The following CFAP46 variants were observed in gnomAD, a reference collection of about 807,000 sequenced individuals.
CFAP46 encodes the protein cilia- and flagella-associated protein 46.
In CFAP46, 245 loss-of-function variants were observed where a neutral mutation model predicts 325.7. That is an observed-to-expected ratio of 0.75 (90% confidence interval 0.68 to 0.84). CFAP46 has a LOEUF of 0.84. Ranked by LOEUF, CFAP46 falls within the 40% of genes least tolerant of loss-of-function variation. The pLI is 0.00. For synonymous variants in CFAP46, 1,523 were observed against 1,495.9 expected (o/e 1.02, Z -0.42); for missense variants, 3,346 against 3,543.0 (o/e 0.94, Z 1.41).
chr10:132,914,782 C>G (rs1195986200), intron 17 of CFAP46, among the ~76,000 whole-genome samples: 2 of 140,900 alleles, frequency 1.4e-5, no homozygotes, highest in African/African-American at 5.3e-5. Context: ...CCACACTGCA[C>G]CCCGGCCCGA....
rs186088013 is a variant in CFAP46 at position 132,827,075 on chromosome 10, G to A, written c.7117+6283C>T. On this transcript the variant is annotated intron_variant, in intron 50 of 57. Coordinates refer to ENST00000368586, the MANE Select transcript of CFAP46 (RefSeq NM_001200049.3). This position sits in a 1 kb window ranked among gnomAD's most constrained non-coding sequence, Gnocchi z 5.7. ...CATGAGCCTCGTGTCTGTGCCAACC[G>A]ACTCCAGCTCCGGGCTCCCTGCCTC... Among the ~76,000 whole-genome samples, 5 of 152,184 alleles carry A rather than the reference G, an allele frequency of 3.3e-5. No individual in the cohort carries two copies. Among genetic ancestry groups the A allele is most frequent in the East Asian group, 3.9e-4 (2 of 5,142 alleles).
At position 132,866,032 on chromosome 10, in the gene CFAP46, G is replaced by T; in HGVS notation, c.4883C>A (p.Ala1628Asp). 1 of 1,509,654 alleles carries T rather than the reference G, an allele frequency of 6.6e-7. No individual in the cohort carries two copies. The highest frequency in any genetic ancestry group is 8.9e-7 in the Non-Finnish European group (1 of 1,125,626). 93.5% of individuals were successfully genotyped at this position (1,509,654 alleles called of 1,614,324 possible). ...CTGGGAGGGGCTCCTCACCTGGAAA[G>T]CCAGGTAAGCCTCCGACAGGAGCAG... The part of the protein sequence containing the change: ...ARLLLSEAYL[A>D]FQELDEPCAE... Residue 1628 changes from alanine to aspartate, a missense_variant, in exon 35 of 58, where the codon GCT becomes GAT. By Grantham distance (126) the Ala-to-Asp change is moderately radical. Transcript: ENST00000368586.
chr10:132,840,898 G>T (rs760657099), intron 44 of CFAP46, among the ~76,000 whole-genome samples: 1 of 152,204 alleles, frequency 6.6e-6, no homozygotes, highest in Non-Finnish European at 1.5e-5. Flanking sequence ...CTTCTCGCAG[G>T]TGGGGACACC....
At chr10:132,900,596 C>A (rs7913509) in intron 22 of CFAP46, among the ~76,000 whole-genome samples, 38,916 of 152,234 alleles carry the variant, frequency 0.26, 6,314 homozygotes, top group Admixed American at 0.44. Context: ...AGGAGGAAGG[C>A]GCTGCCCCTT....
intron 35 of CFAP46, 61 bp downstream of exon 35, chr10:132,865,964 C>T (rs1848806654): frequency 1.5e-6 from 2 of 1,354,472 alleles, no homozygotes; most frequent in Non-Finnish European, 9.6e-7. Flanking sequence ...GCAGTCCCTC[C>T]ACTGTGCACA....
chr10:132,823,668 G>A (rs1564767433), intron 50 of CFAP46, among the ~76,000 whole-genome samples: 1 of 129,982 alleles, frequency 7.7e-6, no homozygotes, highest in Non-Finnish European at 1.6e-5. Context: ...TGTGTGCGCT[G>A]ATGTGTGCTG....
chr10:132,821,448 G>A (rs1480917581), intron 50 of CFAP46, among the ~76,000 whole-genome samples: 4 of 140,228 alleles, frequency 2.9e-5, no homozygotes, highest in Non-Finnish European at 6.1e-5. Flanking sequence ...GAGTGCTGAT[G>A]TGTGCTGTGT....
Position 132,919,211 on chromosome 10 carries a change from A to G in CFAP46, c.1858+104T>C. 8.1e-7 allele frequency: 1 copy of G among 1,230,580 alleles called. No homozygotes were observed. The highest frequency in any genetic ancestry group is 1.1e-6 in the Non-Finnish European group (1 of 915,340). 76.2% of individuals were successfully genotyped at this position (1,230,580 alleles called of 1,614,324 possible). A position where few individuals can be genotyped will look rare whatever the true frequency, so the allele number is the denominator to read the frequency against. ...TTGTGACTTAGCAATACGCTTTCTC[A>G]TGCGAAGGCCCCATGGGTTGTCATT... On this transcript the variant is annotated intron_variant, in intron 15 of 57. Coordinates refer to ENST00000368586, the MANE Select transcript of CFAP46 (RefSeq NM_001200049.3). The surrounding 1 kb of genome is among the most constrained non-coding windows in gnomAD (Gnocchi z 9.7).
Position 132,899,527 on chromosome 10 carries a change from C to G in CFAP46, c.3056+8G>C. On this transcript the variant is annotated splice_region_variant and intron_variant, in intron 23 of 57. Coordinates refer to ENST00000368586, the MANE Select transcript of CFAP46 (RefSeq NM_001200049.3). ...CAGAGCCCACCCCAGCCCCTTAGAG[C>G]CACACACCTGGCGCTCTCCGTGAAG... The G allele has an allele frequency of 6.5e-7, 1 of 1,543,548 alleles. No individual in the cohort carries two copies. The highest frequency in any genetic ancestry group is 8.7e-7 in the Non-Finnish European group (1 of 1,144,160).
At chr10:132,941,145 G>T in intron 3 of CFAP46, 85 bp from the exon 4 acceptor site, 3 of 1,338,880 alleles carry the variant, frequency 2.2e-6, no homozygotes, top group South Asian at 1.2e-5. Flanking sequence ...GCTCCCTCAC[G>T]GTTGGCCTGG....
Position 132,913,206 on chromosome 10 carries a change from C to T in CFAP46, c.2173G>A (p.Ala725Thr), listed in dbSNP as rs1322445722. 2.1e-5 allele frequency: 32 copies of T among 1,550,348 alleles called. No individual in the cohort carries two copies. The highest frequency in any genetic ancestry group is 2.5e-5 in the Non-Finnish European group (29 of 1,146,998). Residue 725 changes from alanine to threonine, a missense_variant, in exon 18 of 58, where the codon GCA (alanine) becomes ACA (threonine). Physicochemically the swap from Ala to Thr is moderately conservative, Grantham distance 58 (BLOSUM62 0). Transcript: ENST00000368586. ...TCCTGGATCTCCTGTCCGATCTCTGCGGAGCGCAGCCAGTTATTCATGGCA... is the reference window on the plus strand; with the variant it reads ...TCCTGGATCTCCTGTCCGATCTCTGTGGAGCGCAGCCAGTTATTCATGGCA... ...RCAMNNWLRS[A>T]EIGQEIQEAW...
chr10:132,817,184 T>A lies in CFAP46; in HGVS notation c.7118-2270A>T, dbSNP rs1266278089. ...CTTTTTGTATTTAGAGGCTATTTCA[T>A]ACCTCTGAGGAGGCGAACTTTCGAT... On this transcript the variant is annotated intron_variant, in intron 50 of 57. Transcript: ENST00000368586. The surrounding 1 kb of genome is among the most constrained non-coding windows in gnomAD (Gnocchi z 4.4). Among the ~76,000 whole-genome samples, 1 of 152,216 alleles carries A rather than the reference T, an allele frequency of 6.6e-6. No individual in the cohort carries two copies. Among genetic ancestry groups the A allele is most frequent in the African/African-American group, 2.4e-5 (1 of 41,454 alleles).
intron 5 of CFAP46, 24 bp from the exon 6 acceptor site, chr10:132,937,699 G>A (rs1338153180): frequency 1.3e-6 from 2 of 1,579,554 alleles, no homozygotes; most frequent in Admixed American, 3.7e-5. Flanking sequence ...ACACACCACT[G>A]GTCAACCTGG....
intron 55 of CFAP46, among the ~76,000 whole-genome samples, chr10:132,811,892 C>T (rs977600658): frequency 2.0e-5 from 3 of 152,254 alleles, no homozygotes; most frequent in Admixed American, 6.5e-5. Flanking sequence ...CACACACCTG[C>T]TCCGCTCCAT....
intron 8 of CFAP46, among the ~76,000 whole-genome samples, chr10:132,930,592 C>CCTCCCCACA (rs561811615): frequency 3.1e-4 from 37 of 117,544 alleles, no homozygotes; most frequent in African/African-American, 1.1e-3. Flanking sequence ...AAAACCTGGG[C>CCTCCCCACA]CTCCCCACAC....
intron 35 of CFAP46, 59 bp downstream of exon 35, chr10:132,865,966 C>T: frequency 7.1e-7 from 1 of 1,406,142 alleles, no homozygotes; most frequent in Non-Finnish European, 9.3e-7. Context: ...AGTCCCTCCA[C>T]TGTGCACAGT....
rs867070252 is a variant in CFAP46 at position 132,929,806 on chromosome 10, T to C, written c.867-2A>G. 10 of 1,605,846 alleles carry C rather than the reference T, an allele frequency of 6.2e-6. No homozygotes were observed. Among genetic ancestry groups the C allele is most frequent in the Middle Eastern group, 1.7e-4 (1 of 6,036 alleles). On this transcript the variant is annotated splice_acceptor_variant, in intron 8 of 57. Coordinates refer to ENST00000368586, the MANE Select transcript of CFAP46 (RefSeq NM_001200049.3). LOFTEE classifies it high-confidence loss of function. ...GCCAATTCAAAAAGCAAAAGCATTC[T>C]GCAAACAAACAAACCAGCCAGCACC...
intron 50 of CFAP46, 24 bp from the exon 51 acceptor site, chr10:132,814,938 G>C (rs749562832): frequency 6.2e-7 from 1 of 1,612,652 alleles, no homozygotes; most frequent in Non-Finnish European, 8.5e-7. Flanking sequence ...GAAAGAGGCA[G>C]GGATGTTTGG....
chr10:132,885,977 G>T lies in CFAP46; in HGVS notation c.3305-18C>A, dbSNP rs1410968309. 3.2e-6 allele frequency: 5 copies of T among 1,548,308 alleles called. No individual in the cohort carries two copies. Among genetic ancestry groups the T allele is most frequent in the Non-Finnish European group, 4.4e-6 (5 of 1,145,490 alleles). On this transcript the variant is annotated intron_variant, in intron 25 of 57. Coordinates refer to ENST00000368586, the MANE Select transcript of CFAP46 (RefSeq NM_001200049.3). ...CTCAGCCCCTGGGAGGGAGAAGGAG[G>T]GGTGTCCTTGGAGCCGCCTGATCCC...
Sources: gnomAD v4.1 joint callset for allele counts (sites outside exome capture counted in the v4.1 genomes callset) on GRCh38, gnomAD v4.1.1 for gene constraint, Gnocchi (gnomAD v3.1) non-coding constraint, MANE v1.5 for transcripts, NCBI Gene and HGNC (gene_info 2026-07-23, HGNC 2026-07-21) for gene names.